The following ACOT11 variants were observed in gnomAD, a reference collection of about 807,000 sequenced individuals.
The protein encoded by ACOT11 is acyl-CoA thioesterase 11, also known as acyl-coenzyme A thioesterase 11.
ACOT11 carries 69 observed loss-of-function variants against 77.5 expected under a neutral mutation model. The ratio of observed to expected loss-of-function variants is 0.89; its 90% CI spans 0.73 to 1.09. ACOT11 has a LOEUF of 1.09. ACOT11 is among the 50% of genes least tolerant of loss of function. The probability of loss-of-function intolerance (pLI) is 0.00; values close to 1 mark genes in which losing one functional copy is unlikely to be tolerated. For missense variants in ACOT11, 766 were observed against 813.7 expected (o/e 0.94, Z 0.71); for synonymous variants, 279 against 313.0 (o/e 0.89, Z 1.15).
chr1:54,559,277 T>G (rs1653383209), intron 1 of ACOT11, among the ~76,000 whole-genome samples: 1 of 152,016 alleles, frequency 6.6e-6, no homozygotes, highest in African/African-American at 2.4e-5. Flanking sequence ...ACAGTGTAGA[T>G]TCAGGGCCCC....
At chr1:54,622,881 G>A (rs1297804698) in intron 15 of ACOT11, among the ~76,000 whole-genome samples, 1 of 151,934 alleles carries the variant, frequency 6.6e-6, no homozygotes, top group African/African-American at 2.4e-5. Context: ...GAGGGCTCAA[G>A]AAGAGCTGGT....
At chr1:54,568,034 C>G (rs1335548191) in intron 1 of ACOT11, among the ~76,000 whole-genome samples, 4 of 152,204 alleles carry the variant, frequency 2.6e-5, no homozygotes, top group Non-Finnish European at 5.9e-5. Context: ...CTCTGCATTT[C>G]TTAGGTCCTT....
intron 15 of ACOT11, chr1:54,619,742 G>T: frequency 9.8e-7 from 1 of 1,019,658 alleles, no homozygotes; most frequent in Non-Finnish European, 1.4e-6. Context: ...ATTTCCTCAT[G>T]CTGAAAGACA....
At chr1:54,627,309 C>T (rs1295157680) in intron 15 of ACOT11, among the ~76,000 whole-genome samples, 1 of 134,932 alleles carries the variant, frequency 7.4e-6, no homozygotes, top group Non-Finnish European at 1.7e-5. Flanking sequence ...CTCTGAGGCA[C>T]AGAGCTTCGC....
rs1039011829 is a variant in ACOT11 at position 54,548,255 on chromosome 1, A to T, written c.-55A>T. 3 of 1,568,212 alleles carry T rather than the reference A, an allele frequency of 1.9e-6. No homozygotes were observed. The African/African-American group carries it at 4.1e-5, about 21-fold the overall frequency. ...TTGGAGTCAGGCCTGGCTGTTGCTC[A>T]GGTGACCAGCTTGTGTCTCTGGGAG... is the stretch of plus-strand genomic sequence containing the variant. On this transcript the variant is annotated 5_prime_UTR_variant, in exon 1 of 16. Coordinates refer to ENST00000343744, the MANE Select transcript of ACOT11 (RefSeq NM_147161.4).
Position 54,607,379 on chromosome 1 carries a change from G to A in ACOT11, c.1502+114G>A, listed in dbSNP as rs952211761. The A allele has an allele frequency of 4.3e-5, 66 of 1,521,310 alleles. No individual in the cohort carries two copies. The highest frequency in any genetic ancestry group is 5.8e-5 in the Non-Finnish European group (65 of 1,125,894). 94.2% of individuals were successfully genotyped at this position (1,521,310 alleles called of 1,614,324 possible). ...TGGAGCCAGAGCTCTGCTTCCCATTGGCTGTGGGGCCCCAGGCACCACTAG... is the reference window on the plus strand; with the variant it reads ...TGGAGCCAGAGCTCTGCTTCCCATTAGCTGTGGGGCCCCAGGCACCACTAG... On this transcript the variant is annotated intron_variant, in intron 14 of 15. Coordinates refer to ENST00000343744, the MANE Select transcript of ACOT11 (RefSeq NM_147161.4). The surrounding 1 kb of genome is among the most constrained non-coding windows in gnomAD (Gnocchi z 4.5).
intron 1 of ACOT11, among the ~76,000 whole-genome samples, chr1:54,570,783 C>G (rs770070032): frequency 6.6e-6 from 1 of 151,974 alleles, no homozygotes; most frequent in African/African-American, 2.4e-5. Flanking sequence ...CAGGTTCAAG[C>G]GACTCTCCTG....
chr1:54,559,589 TTTTC>T (rs1326625380), intron 1 of ACOT11, among the ~76,000 whole-genome samples: 1 of 145,812 alleles, frequency 6.9e-6, no homozygotes, highest in Admixed American at 6.9e-5. Context: ...TGGTGAATAG[TTTTC>T]TTTTTTTTTT....
chr1:54,634,621 A>G, intron 16 of ACOT11: 1 of 695,918 alleles, frequency 1.4e-6, no homozygotes, highest in South Asian at 1.5e-5. Context: ...AAGAGATCCA[A>G]TAACAAAAAG....
At chr1:54,637,196 G>A (rs1454166497) in exon 17 of ACOT11, 1 of 152,194 alleles carries the variant, frequency 6.6e-6, no homozygotes, top group Non-Finnish European at 1.5e-5. Flanking sequence ...TTTTGTGTGT[G>A]TGTCTTTAAT....
intron 7 of ACOT11, 95 bp downstream of exon 7, chr1:54,597,510 G>T: frequency 7.1e-7 from 1 of 1,412,140 alleles, no homozygotes; most frequent in Non-Finnish European, 9.4e-7. Context: ...GCTTGGGGTT[G>T]GCATTCAAGG....
intron 1 of ACOT11, among the ~76,000 whole-genome samples, chr1:54,555,667 T>C (rs958179557): frequency 1.3e-5 from 2 of 152,216 alleles, no homozygotes; most frequent in Admixed American, 6.5e-5. Flanking sequence ...CGTCATGAAG[T>C]GTTTCCCTTA....
chr1:54,610,513 A>C, downstream of ACOT11: 2 of 1,613,582 alleles, frequency 1.2e-6, no homozygotes, highest in African/African-American at 1.3e-5. Context: ...AAGAGGGATC[A>C]GGCTGCCTCC....
chr1:54,612,397 T>TGTG, downstream of ACOT11: 1 of 959,178 alleles, frequency 1.0e-6, no homozygotes, highest in Middle Eastern at 2.3e-4. Context: ...CGAAATGACC[T>TGTG]TTAAGACCCT....
downstream of ACOT11, among the ~76,000 whole-genome samples, chr1:54,615,215 C>G (rs960664926): frequency 6.6e-6 from 1 of 152,150 alleles, no homozygotes; most frequent in Admixed American, 6.5e-5. Flanking sequence ...CCTAAACCAC[C>G]AGAGCCTGTA....
At chr1:54,567,212 AC>A (rs144026534) in intron 1 of ACOT11, among the ~76,000 whole-genome samples, 1,650 of 151,702 alleles carry the variant, frequency 0.011, 23 homozygotes, top group African/African-American at 0.038. Flanking sequence ...AGTAACCAGT[AC>A]CACCATCTGC....
chr1:54,549,829 G>A (rs1653001072), intron 1 of ACOT11, among the ~76,000 whole-genome samples: 1 of 152,206 alleles, frequency 6.6e-6, no homozygotes, highest in Non-Finnish European at 1.5e-5. Flanking sequence ...CTGAGTGCAG[G>A]GCAGAGTGTC....
intron 1 of ACOT11, among the ~76,000 whole-genome samples, chr1:54,566,454 C>CAA (rs34312735): frequency 1.5e-4 from 14 of 94,650 alleles, no homozygotes; most frequent in Admixed American, 3.3e-4. Flanking sequence ...AAGACTGTCT[C>CAA]AAAAAAAAAA....
chr1:54,603,773 C>G (rs1643992209), intron 10 of ACOT11, 98 bp from the exon 11 acceptor site: 2 of 1,184,922 alleles, frequency 1.7e-6, no homozygotes, highest in Non-Finnish European at 1.3e-6. Flanking sequence ...TTCTGCCGGG[C>G]TCAGCACAGG....
Sources: allele counts gnomAD v4.1 joint callset (sites outside exome capture counted in the v4.1 genomes callset), GRCh38; gene constraint gnomAD v4.1.1; non-coding constraint Gnocchi (gnomAD v3.1); transcripts MANE v1.5; gene names NCBI Gene and HGNC (gene_info 2026-07-23, HGNC 2026-07-21).